Variants in CAMTA1 observed in about 807,000 individuals in gnomAD.
CAMTA1 encodes the protein calmodulin binding transcription activator 1.
Under a neutral mutation model 170.9 loss-of-function variants are expected in CAMTA1, and 27 were observed. That is an observed-to-expected ratio of 0.16 (90% CI 0.12 to 0.22). CAMTA1 has a LOEUF of 0.22. Among genes scored for constraint, CAMTA1 ranks in the 10% least tolerant of loss-of-function variants. The pLI is 1.00. For synonymous variants in CAMTA1, 833 were observed against 891.5 expected (o/e 0.93, Z 1.17); for missense variants, 1,619 against 2,217.2 (o/e 0.73, Z 5.42).
rs1491584368 is a variant in CAMTA1, at chr1:7,219,571, AAG to A, written c.303-29919_303-29918del. On this transcript the variant is annotated intron_variant, in intron 4 of 22. Transcript: ENST00000303635. The stretch of plus-strand genomic sequence containing the variant: ...AAAAAAAAAAAAAAAAAAAAAAAAA[AAG>A]GAGACACACCATCTTCCATGGACTG... The A allele has an allele frequency of 4.5e-4, 54 of 119,712 alleles. No individual in the cohort carries two copies. In the South Asian group the frequency reaches 9.0e-3, roughly 20 times the overall value. The allele number at this position is 119,712 out of a possible 1,614,324, so 7.4% of individuals were successfully genotyped here.
chr1:7,259,985 A>C (rs534390380), intron 5 of CAMTA1, among the ~76,000 whole-genome samples: 127 of 152,356 alleles, frequency 8.3e-4, no homozygotes, highest in African/African-American at 3.0e-3. Flanking sequence ...CAAAAGAATG[A>C]AAGATTTTGA....
At chr1:7,334,859 T>A (rs2083255125) in intron 5 of CAMTA1, among the ~76,000 whole-genome samples, 1 of 152,068 alleles carries the variant, frequency 6.6e-6, no homozygotes, top group Admixed American at 6.6e-5. Flanking sequence ...TTGAAAGCAA[T>A]GCATCAGTAA....
chr1:7,735,285 C>T (rs1054777751), intron 12 of CAMTA1, among the ~76,000 whole-genome samples: 6 of 152,052 alleles, frequency 3.9e-5, no homozygotes, highest in African/African-American at 1.2e-4. Context: ...CACTTGAGAT[C>T]GGGTGTTCGA....
Position 7,091,359 on chromosome 1 carries a change from C to T in CAMTA1, c.290C>T (p.Ser97Phe), listed in dbSNP as rs746696309. ...AAACACGAAGAATGGCTAACCACCT[C>T]CCCTAAGACAAGGTAATGTCCCAGA... Reference protein sequence around the residue: ...FEKHEEWLTTSPKTRPQNGSM... With the variant: ...FEKHEEWLTTFPKTRPQNGSM... The change falls in exon 4 of 23, where the codon TCC (serine) becomes TTC (phenylalanine). Residue 97 changes from serine to phenylalanine, a missense_variant. Transcript: ENST00000303635. 10 of 1,612,012 alleles carry T rather than the reference C, an allele frequency of 6.2e-6. No homozygotes were observed. The highest frequency in any genetic ancestry group is 8.5e-6 in the Non-Finnish European group (10 of 1,178,030).
At chr1:6,800,015 G>A (rs905395405) in intron 1 of CAMTA1, among the ~76,000 whole-genome samples, 9 of 152,116 alleles carry the variant, frequency 5.9e-5, no homozygotes, top group African/African-American at 2.2e-4. Flanking sequence ...AAGCTGTATG[G>A]GGGGATTTGA....
At chr1:6,814,246 T>C (rs536697661) in intron 1 of CAMTA1, among the ~76,000 whole-genome samples, 2 of 152,278 alleles carry the variant, frequency 1.3e-5, no homozygotes, top group Non-Finnish European at 2.9e-5. Context: ...ATTTTGTAAT[T>C]AAAAAGCAGT....
chr1:7,715,050 G>T (rs1486557406), intron 11 of CAMTA1, among the ~76,000 whole-genome samples: 1 of 152,084 alleles, frequency 6.6e-6, no homozygotes, highest in Non-Finnish European at 1.5e-5. Context: ...TTTTATTCTT[G>T]TCTGTAACAT....
chr1:7,339,469 G>A (rs928484569), intron 5 of CAMTA1, among the ~76,000 whole-genome samples: 5 of 152,136 alleles, frequency 3.3e-5, no homozygotes, highest in South Asian at 2.1e-4. Context: ...GGTCTAAGAC[G>A]CACACCCAGG....
intron 4 of CAMTA1, among the ~76,000 whole-genome samples, chr1:7,192,269 G>A (rs1301235116): frequency 6.6e-6 from 1 of 152,230 alleles, no homozygotes; most frequent in Non-Finnish European, 1.5e-5. Flanking sequence ...TGGGGTCAAG[G>A]TTTGACAAGC....
chr1:7,458,778 AC>A (rs2093018290), intron 5 of CAMTA1, among the ~76,000 whole-genome samples: 1 of 152,230 alleles, frequency 6.6e-6, no homozygotes, highest in Non-Finnish European at 1.5e-5. Context: ...TTTGGGAGAC[AC>A]CATTGCAGAT....
chr1:6,970,637 C>T lies in CAMTA1; in HGVS notation c.235-120667C>T, dbSNP rs867023598. On this transcript the variant is annotated intron_variant, in intron 3 of 22. Coordinates refer to ENST00000303635, the MANE Select transcript of CAMTA1 (RefSeq NM_015215.4). The surrounding 1 kb of genome is among the most constrained non-coding windows in gnomAD (Gnocchi z 4.4). ...TGTTGGGATGGGAGAGACAAGCAGG[C>T]AATAGTTAGGAATGTGATCGATGTG... is the stretch of plus-strand genomic sequence containing the variant. 6.6e-6 allele frequency among the ~76,000 whole-genome samples: 1 copy of T among 152,028 alleles called. No individual in the cohort carries two copies. The highest frequency in any genetic ancestry group is 6.5e-5 in the Admixed American group (1 of 15,270).
chr1:7,003,175 T>C (rs1698492132), intron 3 of CAMTA1, among the ~76,000 whole-genome samples: 1 of 152,214 alleles, frequency 6.6e-6, no homozygotes, highest in Non-Finnish European at 1.5e-5. Flanking sequence ...TTCTAGGCAT[T>C]GCCAATCTGG....
chr1:7,545,795 A>G (rs915155340), intron 6 of CAMTA1, among the ~76,000 whole-genome samples: 1 of 151,986 alleles, frequency 6.6e-6, no homozygotes, highest in African/African-American at 2.4e-5. Flanking sequence ...TCATTTAGCT[A>G]TTAAGCCCAG....
chr1:7,566,453 A>G (rs191287610), intron 6 of CAMTA1, among the ~76,000 whole-genome samples: 94 of 152,226 alleles, frequency 6.2e-4, no homozygotes, highest in Admixed American at 1.7e-3. Flanking sequence ...CAGAATACCA[A>G]AGAGAACCCA....
chr1:7,262,368 C>T (rs1668302166), intron 5 of CAMTA1, among the ~76,000 whole-genome samples: 1 of 152,050 alleles, frequency 6.6e-6, no homozygotes, highest in African/African-American at 2.4e-5. Context: ...TCAAGACCAG[C>T]CTAGCCAACA....
intron 3 of CAMTA1, among the ~76,000 whole-genome samples, chr1:6,943,636 C>T (rs1458071160): frequency 2.0e-5 from 3 of 151,968 alleles, no homozygotes; most frequent in Non-Finnish European, 4.4e-5. Context: ...ATCACGAGAT[C>T]AGAGTTCGAG....
rs1318929425 is a variant in CAMTA1, at chr1:7,103,840, A to G, written c.302+12469A>G. On this transcript the variant is annotated intron_variant, in intron 4 of 22. Transcript: ENST00000303635. ...TACACACATGCACACACAACTACAC[A>G]CATGTACACACAACACACATACACA... Among the ~76,000 whole-genome samples, 3 of 75,642 alleles carry G rather than the reference A, an allele frequency of 4.0e-5. No homozygotes were observed. The East Asian group carries it at 8.4e-4, about 21-fold the overall frequency. 49.6% of individuals were successfully genotyped at this position (75,642 alleles called of 152,430 possible).
chr1:6,795,722 G>GT (rs145328917), intron 1 of CAMTA1, among the ~76,000 whole-genome samples: 9,792 of 152,094 alleles, frequency 0.064, 344 homozygotes, highest in Middle Eastern at 0.099. Context: ...AAGATACACT[G>GT]TTTTTTATAT....
At chr1:7,710,312 G>T (rs1007367601) in intron 11 of CAMTA1, among the ~76,000 whole-genome samples, 104 of 152,098 alleles carry the variant, frequency 6.8e-4, no homozygotes, top group African/African-American at 2.3e-3. Flanking sequence ...ATAAAAAAGG[G>T]AACTTGGCCG....
Sources: gnomAD v4.1 joint callset for allele counts (sites outside exome capture counted in the v4.1 genomes callset) on GRCh38, gnomAD v4.1.1 for gene constraint, Gnocchi (gnomAD v3.1) non-coding constraint, MANE v1.5 for transcripts, NCBI Gene and HGNC (gene_info 2026-07-23, HGNC 2026-07-21) for gene names.